Variants in AFAP1 observed in about 807,000 individuals in gnomAD.
AFAP1 encodes actin filament associated protein 1, also known as actin filament-associated protein 1.
AFAP1 carries 75 observed loss-of-function variants against 93.9 expected under a neutral mutation model. That is an observed-to-expected ratio of 0.80 (90% CI 0.66 to 0.97). AFAP1 has a LOEUF of 0.97. AFAP1 is among the 50% of genes least tolerant of loss of function. AFAP1 has a pLI of 0.00. For missense variants in AFAP1, 1,201 were observed against 1,050.8 expected, an observed-to-expected ratio of 1.14 and a Z score of -1.98; for synonymous variants, 517 against 430.7, an observed-to-expected ratio of 1.20 and a Z score of -2.48.
At chr4:7,925,949 C>G (rs560526473) in intron 1 of AFAP1, among the ~76,000 whole-genome samples, 2 of 152,322 alleles carry the variant, frequency 1.3e-5, no homozygotes, top group South Asian at 4.1e-4. Context: ...AATTTTACCT[C>G]CAAGATTGCA....
chr4:7,915,123 A>G (rs1720012581), intron 1 of AFAP1, among the ~76,000 whole-genome samples: 1 of 152,166 alleles, frequency 6.6e-6, no homozygotes, highest in Non-Finnish European at 1.5e-5. Flanking sequence ...ACATCCGGTG[A>G]TCTGCCCGCC....
intron 3 of AFAP1, among the ~76,000 whole-genome samples, chr4:7,858,496 G>A (rs1451180291): frequency 6.6e-6 from 1 of 152,152 alleles, no homozygotes; most frequent in Non-Finnish European, 1.5e-5. Context: ...CCGAAATGAT[G>A]AGCAAACTGT....
chr4:7,933,603 C>T (rs1206219167), intron 1 of AFAP1, among the ~76,000 whole-genome samples: 1 of 152,152 alleles, frequency 6.6e-6, no homozygotes, highest in Non-Finnish European at 1.5e-5. Flanking sequence ...GGGTATAGAA[C>T]TTTCTCTGAG....
intron 8 of AFAP1, among the ~76,000 whole-genome samples, chr4:7,810,944 G>A (rs1174781660): frequency 3.3e-5 from 5 of 152,206 alleles, no homozygotes; most frequent in African/African-American, 7.2e-5. Flanking sequence ...CGTGACCTCC[G>A]GCGGAATTGC....
intron 10 of AFAP1, among the ~76,000 whole-genome samples, chr4:7,795,925 A>G (rs1024799885): frequency 2.6e-5 from 4 of 152,188 alleles, no homozygotes; most frequent in Non-Finnish European, 5.9e-5. Flanking sequence ...TGTTGGAGGT[A>G]TTAGTTCTCA....
chr4:7,822,363 T>C (rs1721040449), intron 6 of AFAP1, among the ~76,000 whole-genome samples: 1 of 152,116 alleles, frequency 6.6e-6, no homozygotes, highest in Non-Finnish European at 1.5e-5. Flanking sequence ...CAGCCCAGTA[T>C]TTCTCCCCTA....
intron 1 of AFAP1, among the ~76,000 whole-genome samples, chr4:7,927,865 C>A (rs1399498658): frequency 1.3e-5 from 2 of 152,030 alleles, no homozygotes; most frequent in African/African-American, 4.8e-5. Flanking sequence ...TATAAAGTTG[C>A]CCCAAACACA....
chr4:7,788,111 C>A (rs538321524), intron 11 of AFAP1, among the ~76,000 whole-genome samples: 2 of 152,218 alleles, frequency 1.3e-5, no homozygotes, highest in Non-Finnish European at 2.9e-5. Context: ...CACAGGGGTC[C>A]TCACGCAGGG....
intron 10 of AFAP1, among the ~76,000 whole-genome samples, chr4:7,799,782 A>G (rs566848252): frequency 2.6e-5 from 4 of 152,318 alleles, no homozygotes; most frequent in Non-Finnish European, 5.9e-5. Context: ...AAAACTTTCA[A>G]TAATGAAAGT....
intron 4 of AFAP1, among the ~76,000 whole-genome samples, chr4:7,847,793 C>CGGGGGGGG (rs10685949): frequency 1.8e-4 from 18 of 101,956 alleles, no homozygotes; most frequent in African/African-American, 3.5e-4. Flanking sequence ...CAGGGGTACT[C>CGGGGGGGG]GGGGTGGGGC....
At chr4:7,887,429 A>T (rs1718199564) in intron 1 of AFAP1, among the ~76,000 whole-genome samples, 1 of 152,328 alleles carries the variant, frequency 6.6e-6, no homozygotes, top group South Asian at 2.1e-4. Context: ...GCATCTAACC[A>T]ACAATTTTAT....
intron 1 of AFAP1, among the ~76,000 whole-genome samples, chr4:7,895,301 T>C (rs2149211434): frequency 6.6e-6 from 1 of 152,374 alleles, no homozygotes; most frequent in Admixed American, 6.5e-5. Flanking sequence ...AATGTCATTA[T>C]GTGAAGAATT....
chr4:7,800,694 G>A, intron 9 of AFAP1, 41 bp from the exon 10 acceptor site: 1 of 1,607,580 alleles, frequency 6.2e-7, no homozygotes, highest in Non-Finnish European at 8.5e-7. Flanking sequence ...CCTCGGACAA[G>A]ACCAGGCGAG....
chr4:7,784,330 C>T (rs1018379762), intron 12 of AFAP1, among the ~76,000 whole-genome samples: 1 of 152,134 alleles, frequency 6.6e-6, no homozygotes, highest in Non-Finnish European at 1.5e-5. Flanking sequence ...TAACATGGGA[C>T]CTACAAGCGG....
At chr4:7,936,682 A>C (rs1301258092) in intron 1 of AFAP1, among the ~76,000 whole-genome samples, 2 of 151,826 alleles carry the variant, frequency 1.3e-5, no homozygotes, top group Non-Finnish European at 2.9e-5. Context: ...CCCAGGTTCA[A>C]GTAATTCTCC....
At chr4:7,875,269 G>A (rs1311443771) in intron 1 of AFAP1, among the ~76,000 whole-genome samples, 1 of 152,172 alleles carries the variant, frequency 6.6e-6, no homozygotes, top group Non-Finnish European at 1.5e-5. Flanking sequence ...CACCATCAAG[G>A]CTCTCATCAT....
intron 7 of AFAP1, among the ~76,000 whole-genome samples, chr4:7,818,826 C>T (rs1720706676): frequency 6.6e-6 from 1 of 152,232 alleles, no homozygotes; most frequent in Admixed American, 6.5e-5. Context: ...TGACCTTGAA[C>T]AAGGCCCTCA....
At chr4:7,880,198 C>G (rs981327968) in intron 1 of AFAP1, among the ~76,000 whole-genome samples, 2 of 150,754 alleles carry the variant, frequency 1.3e-5, no homozygotes, top group African/African-American at 2.4e-5. Flanking sequence ...ACCAAAACTA[C>G]TTTAAAGGCA....
chr4:7,921,944 G>A (rs1720462240), intron 1 of AFAP1, among the ~76,000 whole-genome samples: 1 of 152,168 alleles, frequency 6.6e-6, no homozygotes, highest in Admixed American at 6.5e-5. Flanking sequence ...CCAACATGGT[G>A]AAACCCCGTC....
Sources: allele counts gnomAD v4.1 joint callset (sites outside exome capture counted in the v4.1 genomes callset), GRCh38; gene constraint gnomAD v4.1.1; transcripts MANE v1.5; gene names NCBI Gene and HGNC (gene_info 2026-07-23, HGNC 2026-07-21).